The following RASSF9 variants were observed in gnomAD, a reference collection of about 807,000 sequenced individuals.
RASSF9 encodes the protein Ras association domain family member 9.
RASSF9 carries 18 observed loss-of-function variants against 21.4 expected under a neutral mutation model. The ratio of observed to expected loss-of-function variants is 0.84; its 90% confidence interval spans 0.58 to 1.25. RASSF9 has a LOEUF of 1.25. Among genes scored for constraint, RASSF9 ranks in the 50% most tolerant of loss-of-function variants. The pLI is 0.00. For synonymous variants in RASSF9, 183 were observed against 179.1 expected (o/e 1.02, Z -0.18); for missense variants, 480 against 503.2 (o/e 0.95, Z 0.44).
chr12:85,824,764 C>A (rs17280790), intron 1 of RASSF9, among the ~76,000 whole-genome samples: 40,994 of 151,936 alleles, frequency 0.27, 5,933 homozygotes, highest in African/African-American at 0.36. Context: ...ATGAGAACAA[C>A]CTGCTGTTAC....
At chr12:85,817,963 A>G (rs1880114916) in intron 1 of RASSF9, among the ~76,000 whole-genome samples, 1 of 152,172 alleles carries the variant, frequency 6.6e-6, no homozygotes, top group Non-Finnish European at 1.5e-5. Flanking sequence ...TTCATTCACA[A>G]CTTCCACAAC....
intron 1 of RASSF9, among the ~76,000 whole-genome samples, chr12:85,822,770 A>G (rs1215679697): frequency 1.3e-5 from 2 of 151,866 alleles, no homozygotes; most frequent in Non-Finnish European, 2.9e-5. Flanking sequence ...GGTTCTTTCT[A>G]CTATCTTGTC....
Position 85,805,294 on chromosome 12 carries a change from C to T in RASSF9, c.716G>A (p.Ser239Asn). The change falls in exon 2 of 2, where the codon AGT becomes AAT. Residue 239 changes from serine (S) to asparagine (N), a missense_variant. Coordinates refer to ENST00000361228, the MANE Select transcript of RASSF9 (RefSeq NM_005447.4). ...NYVQDAYLMP[S>N]FSEVEQNLDL... is the part of the protein sequence containing the mutation. ...TAGATTTTGCTCAACTTCACTGAAA[C>T]TGGGCATTAAATATGCATCCTGAAC... 1 of 1,613,522 alleles carries T rather than the reference C, an allele frequency of 6.2e-7. No homozygotes were observed. The highest frequency in any genetic ancestry group is 2.2e-5 in the East Asian group (1 of 44,872).
At position 85,811,418 on chromosome 12, in the gene RASSF9, T is replaced by C. The variant is rs573616039; in HGVS notation, c.48-5456A>G. On this transcript the variant is annotated intron_variant, in intron 1 of 1. Transcript: ENST00000361228. ...CCTCTATAGGAATACCATAATTGTT[T>C]GCAAGTGTAGGTTAGTTTAAATTAA... Among the ~76,000 whole-genome samples the C allele has an allele frequency of 7.2e-5, 11 of 151,990 alleles. No homozygotes were observed. The South Asian group carries it at 1.9e-3, about 26-fold the overall frequency.
At chr12:85,818,425 A>G (rs1880126748) in intron 1 of RASSF9, among the ~76,000 whole-genome samples, 1 of 152,208 alleles carries the variant, frequency 6.6e-6, no homozygotes, top group East Asian at 1.9e-4. Context: ...CAATATAATA[A>G]TCAATATGTT....
intron 1 of RASSF9, among the ~76,000 whole-genome samples, chr12:85,832,029 G>A (rs1880463154): frequency 6.6e-6 from 1 of 151,752 alleles, no homozygotes; most frequent in Admixed American, 6.6e-5. Flanking sequence ...TTTAATTTTA[G>A]GTTGATATTA....
In RASSF9 at chr12:85,804,432, C is replaced by T; in HGVS notation, c.*270G>A. ...TTCCACAGACGCTAAGGAAGATTAT[C>T]ATATGATTCCCATCAAATTATTTCT... On this transcript the variant is annotated 3_prime_UTR_variant, in exon 2 of 2. Transcript: ENST00000361228. The T allele has an allele frequency of 2.9e-6, 1 of 344,220 alleles. No homozygotes were observed. The highest frequency in any genetic ancestry group is 2.1e-5 in the African/African-American group (1 of 47,614). The allele number at this position is 344,220 out of a possible 1,614,324, so 21.3% of individuals were successfully genotyped here. A position where few individuals can be genotyped will look rare whatever the true frequency, so the allele number is the denominator to read the frequency against.
chr12:85,835,083 A>AT (rs1183470771), intron 1 of RASSF9, among the ~76,000 whole-genome samples: 1 of 152,118 alleles, frequency 6.6e-6, no homozygotes, highest in African/African-American at 2.4e-5. Flanking sequence ...CAAAGTAGAC[A>AT]TGTGTGCGCA....
chr12:85,807,695 G>C (rs762975534), intron 1 of RASSF9, among the ~76,000 whole-genome samples: 1 of 152,018 alleles, frequency 6.6e-6, no homozygotes, highest in Non-Finnish European at 1.5e-5. Flanking sequence ...ATATGGGCTT[G>C]ATAGTACTTT....
At chr12:85,824,097 A>G (rs552548768) in intron 1 of RASSF9, among the ~76,000 whole-genome samples, 1 of 152,198 alleles carries the variant, frequency 6.6e-6, no homozygotes, top group South Asian at 2.1e-4. Context: ...CTAGACCTAT[A>G]TTCCCAACTT....
intron 1 of RASSF9, among the ~76,000 whole-genome samples, chr12:85,829,163 A>T (rs1296012577): frequency 6.6e-6 from 1 of 152,126 alleles, no homozygotes; most frequent in Non-Finnish European, 1.5e-5. Flanking sequence ...AAATGTCCCA[A>T]CCATTGGTTG....
rs1357187563 is a variant in RASSF9 at position 85,805,830 on chromosome 12, A to G, written c.180T>C (p.His60=). 1 of 1,613,946 alleles carries G rather than the reference A, an allele frequency of 6.2e-7. No individual in the cohort carries two copies. Among genetic ancestry groups the G allele is most frequent in the Non-Finnish European group, 8.5e-7 (1 of 1,179,888 alleles). The change falls in exon 2 of 2, where the codon CAT becomes CAC. Residue 60 remains histidine, a synonymous_variant. Transcript: ENST00000361228. ...ADVIQALLEE[H]EATFGEKRFL... is the part of the protein sequence containing the mutation. The stretch of plus-strand genomic sequence containing the variant: ...ATCGTTTCTCTCCAAACGTAGCCTC[A>G]TGTTCCTCAAGCAAAGCCTGGATGA...
At chr12:85,832,714 ACT>A (rs1259378361) in intron 1 of RASSF9, among the ~76,000 whole-genome samples, 4 of 151,862 alleles carry the variant, frequency 2.6e-5, no homozygotes, top group Non-Finnish European at 5.9e-5. Flanking sequence ...AAATATCTAG[ACT>A]CTCAAACATT....
chr12:85,808,895 T>C (rs1344864131), intron 1 of RASSF9, among the ~76,000 whole-genome samples: 1 of 152,104 alleles, frequency 6.6e-6, no homozygotes, highest in African/African-American at 2.4e-5. Flanking sequence ...TAAGGACAAA[T>C]TTGTTTTATG....
intron 1 of RASSF9, among the ~76,000 whole-genome samples, chr12:85,816,256 A>G (rs147027448): frequency 3.3e-5 from 5 of 152,028 alleles, no homozygotes; most frequent in African/African-American, 1.2e-4. Flanking sequence ...AACCCCCATG[A>G]CAAAAGTTTA....
chr12:85,824,447 T>C (rs187003346), intron 1 of RASSF9, among the ~76,000 whole-genome samples: 109 of 152,332 alleles, frequency 7.2e-4, no homozygotes, highest in Non-Finnish European at 1.0e-4. Flanking sequence ...TTTTACTATA[T>C]ATTACTGCAG....
Position 85,804,514 on chromosome 12 carries a change from G to A in RASSF9, c.*188C>T, listed in dbSNP as rs1879771054. The A allele has an allele frequency of 1.9e-6, 1 of 539,932 alleles. No individual in the cohort carries two copies. The highest frequency in any genetic ancestry group is 3.0e-6 in the Non-Finnish European group (1 of 328,120). 33.4% of individuals were successfully genotyped at this position (539,932 alleles called of 1,614,324 possible). A position where few individuals can be genotyped will look rare whatever the true frequency, so the allele number is the denominator to read the frequency against. Reference sequence around the variant, plus strand: ...ATTCGTGATAAATAGTTCATTGCTTGAACTTGCAATAATTAAAGTTCCTTT... The same window carrying A: ...ATTCGTGATAAATAGTTCATTGCTTAAACTTGCAATAATTAAAGTTCCTTT... On this transcript the variant is annotated 3_prime_UTR_variant, in exon 2 of 2. Coordinates refer to ENST00000361228, the MANE Select transcript of RASSF9 (RefSeq NM_005447.4).
In RASSF9 at chr12:85,805,354, T is replaced by TGGA; in HGVS notation, c.653_655dup (p.Phe218_His219insLeu). 6.2e-7 allele frequency: 1 copy of TGGA among 1,613,664 alleles called. No homozygotes were observed. Among genetic ancestry groups the TGGA allele is most frequent in the Non-Finnish European group, 8.5e-7 (1 of 1,179,846 alleles). ...TCCATCATTTTCTACTCGATCAAGATGGAACTTAGCTTCACACTTTTCAAT... is the reference window on the plus strand; with the variant it reads ...TCCATCATTTTCTACTCGATCAAGATGGAGGAACTTAGCTTCACACTTTTCAAT... On this transcript the variant is annotated inframe_insertion, in exon 2 of 2. Transcript: ENST00000361228.
At chr12:85,828,204 T>A (rs542679874) in intron 1 of RASSF9, among the ~76,000 whole-genome samples, 118 of 152,224 alleles carry the variant, frequency 7.8e-4, no homozygotes, top group Non-Finnish European at 1.3e-3. Flanking sequence ...TTTAAGTAGA[T>A]CACAAGTCTG....
Sources: allele counts gnomAD v4.1 joint callset (sites outside exome capture counted in the v4.1 genomes callset), GRCh38; gene constraint gnomAD v4.1.1; transcripts MANE v1.5; gene names NCBI Gene and HGNC (gene_info 2026-07-23, HGNC 2026-07-21).